TRAPPC9: variants seen among roughly 807,000 people sequenced by gnomAD.
The protein encoded by TRAPPC9 is IKK2 binding protein.
Under a neutral mutation model 124.0 loss-of-function variants are expected in TRAPPC9, and 83 were observed. The observed-to-expected ratio is 0.67, with a 90% CI of 0.56 to 0.80. TRAPPC9 has a LOEUF of 0.80. Ranked by LOEUF, TRAPPC9 falls within the 30% of genes least tolerant of loss-of-function variation. The pLI is 0.00. For synonymous variants in TRAPPC9, 638 were observed against 617.5 expected, an observed-to-expected ratio of 1.03 and a Z score of -0.49; for missense variants, 1,302 against 1,508.3, an observed-to-expected ratio of 0.86 and a Z score of 2.27.
At chr8:139,774,516 A>C (rs1349482705) in intron 21 of TRAPPC9, among the ~76,000 whole-genome samples, 1 of 152,130 alleles carries the variant, frequency 6.6e-6, no homozygotes, top group East Asian at 1.9e-4. Flanking sequence ...CACAAGCATC[A>C]CTGCCTGGAG....
In TRAPPC9 at chr8:140,206,982, C is replaced by T. The variant is rs184520157; in HGVS notation, c.2556+14477G>A. On this transcript the variant is annotated intron_variant, in intron 17 of 22. Coordinates refer to ENST00000438773, the MANE Select transcript of TRAPPC9 (RefSeq NM_001160372.4). Reference sequence around the variant, plus strand: ...TGAAAGGAAAGCACTTCTGCCTTCACGGAGCTTGAAGTCTAGTGGGGTGAC... The same window carrying T: ...TGAAAGGAAAGCACTTCTGCCTTCATGGAGCTTGAAGTCTAGTGGGGTGAC... Among the ~76,000 whole-genome samples the T allele has an allele frequency of 1.8e-4, 27 of 152,212 alleles. No individual in the cohort carries two copies. In the South Asian group the frequency reaches 2.3e-3, roughly 13 times the overall value.
intron 19 of TRAPPC9, among the ~76,000 whole-genome samples, chr8:139,925,820 C>T (rs546181117): frequency 3.0e-4 from 28 of 93,238 alleles, no homozygotes; most frequent in South Asian, 6.2e-4. Flanking sequence ...CACACGCACA[C>T]GCACACGCAC....
In TRAPPC9 at chr8:140,210,705, C is replaced by T. The variant is rs571851051; in HGVS notation, c.2556+10754G>A. On this transcript the variant is annotated intron_variant, in intron 17 of 22. Transcript: ENST00000438773. ...CTGTCCCCAAGGAAGGCCACAGTCC[C>T]AACTGCACACCTCTACGGCAAGAGC... 5.6e-4 allele frequency among the ~76,000 whole-genome samples: 86 copies of T among 152,310 alleles called. No homozygotes were observed. The South Asian group carries it at 0.017, about 30-fold the overall frequency.
Position 140,287,657 on chromosome 8 carries a change from T to C in TRAPPC9, c.1932A>G (p.Pro644=). The C allele has an allele frequency of 1.9e-6, 3 of 1,614,176 alleles. No homozygotes were observed. Among genetic ancestry groups the C allele is most frequent in the Non-Finnish European group, 2.5e-6 (3 of 1,180,030 alleles). The change falls in exon 13 of 23, where the codon CCA becomes CCG. Residue 644 remains proline, a synonymous_variant. Coordinates refer to ENST00000438773, the MANE Select transcript of TRAPPC9 (RefSeq NM_001160372.4). Reference sequence around the variant, plus strand: ...TCTGCGGGACCCCGACGAGCGTCACTGGGTACAGACCAGATTCAGCCGGAA... The same window carrying C: ...TCTGCGGGACCCCGACGAGCGTCACCGGGTACAGACCAGATTCAGCCGGAA... ...LSLPAESGLY[P]VTLVGVPQTT... is the part of the protein sequence containing the mutation.
At chr8:139,841,742 C>T (rs747802321) in intron 21 of TRAPPC9, among the ~76,000 whole-genome samples, 28 of 152,186 alleles carry the variant, frequency 1.8e-4, no homozygotes, top group Non-Finnish European at 3.7e-4. Context: ...CCATGCTGGG[C>T]CCTGCCCACT....
At chr8:139,740,874 T>C (rs1342230129) in intron 21 of TRAPPC9, among the ~76,000 whole-genome samples, 1 of 152,196 alleles carries the variant, frequency 6.6e-6, no homozygotes, top group East Asian at 1.9e-4. Flanking sequence ...CCTTCCAGTC[T>C]GGGCTCTGCC....
At chr8:140,062,983 AGGAAACTTACAATCG>A (rs764750448) in intron 17 of TRAPPC9, among the ~76,000 whole-genome samples, 2 of 45,328 alleles carry the variant, frequency 4.4e-5, no homozygotes, top group Non-Finnish European at 1.4e-4. Context: ...GGGAAGCCTC[AGGAAACTTACAATCG>A]TGGCAGAAGG....
At chr8:140,447,659 C>T (rs2071315604) in intron 2 of TRAPPC9, among the ~76,000 whole-genome samples, 3 of 152,110 alleles carry the variant, frequency 2.0e-5, no homozygotes, top group African/African-American at 4.8e-5. Flanking sequence ...AACTCCAGGT[C>T]CCGAAGGTAG....
chr8:139,732,220 C>T lies in TRAPPC9; in HGVS notation c.3056-18G>A. 1 of 1,556,718 alleles carries T rather than the reference C, an allele frequency of 6.4e-7. No individual in the cohort carries two copies. The highest frequency in any genetic ancestry group is 8.6e-7 in the Non-Finnish European group (1 of 1,157,692). ...CAGCACATCTGTAAGGGACACGAGA[C>T]TGTCGGGGGCTGGGCTGGCCTGCAC... On this transcript the variant is annotated intron_variant, in intron 21 of 22. Coordinates refer to ENST00000438773, the MANE Select transcript of TRAPPC9 (RefSeq NM_001160372.4).
At chr8:140,157,965 T>C (rs1563805507) in intron 17 of TRAPPC9, among the ~76,000 whole-genome samples, 1 of 152,242 alleles carries the variant, frequency 6.6e-6, no homozygotes, top group Admixed American at 6.5e-5. Flanking sequence ...TCTATGTTAA[T>C]AGTCTTTCTA....
At chr8:140,415,025 C>G (rs968624356) in intron 5 of TRAPPC9, among the ~76,000 whole-genome samples, 3 of 152,078 alleles carry the variant, frequency 2.0e-5, no homozygotes, top group African/African-American at 7.2e-5. Context: ...CAGGCATGAG[C>G]CACCACGCCT....
At chr8:140,002,175 T>C (rs1838447602) in intron 18 of TRAPPC9, among the ~76,000 whole-genome samples, 1 of 151,740 alleles carries the variant, frequency 6.6e-6, no homozygotes, top group African/African-American at 2.4e-5. Flanking sequence ...CTCAACAAAT[T>C]TTTTGATACC....
Position 140,435,121 on chromosome 8 carries a change from G to A in TRAPPC9, c.850C>T (p.His284Tyr). 1.9e-6 allele frequency: 3 copies of A among 1,614,252 alleles called. No individual in the cohort carries two copies. Among genetic ancestry groups the A allele is most frequent in the Non-Finnish European group, 2.5e-6 (3 of 1,180,046 alleles). ...AAAGGGCAGAGCTCACCTGGCCGGT[G>A]TCTATTGGCTGCTTCAGCAGGAAGG... ...STLPAEAANR[H>Y]RPGAQEVLID... The change falls in exon 4 of 23, where the codon CAC becomes TAC. Residue 284 changes from histidine to tyrosine, a missense_variant. Transcript: ENST00000438773.
At chr8:140,124,086 T>C (rs1388373073) in intron 17 of TRAPPC9, among the ~76,000 whole-genome samples, 1 of 152,262 alleles carries the variant, frequency 6.6e-6, no homozygotes, top group Non-Finnish European at 1.5e-5. Flanking sequence ...TTTAAACTTC[T>C]GCTCAGCAGT....
At chr8:140,458,531 G>A, upstream of TRAPPC9, 1 of 1,582,850 alleles carries the variant, frequency 6.3e-7, no homozygotes, top group Non-Finnish European at 8.6e-7. Context: ...TTCCCCCTGT[G>A]TGGCGCGCGG....
In TRAPPC9 at chr8:139,857,358, T is replaced by C. The variant is rs563965827; in HGVS notation, c.3055+28521A>G. Among the ~76,000 whole-genome samples the C allele has an allele frequency of 3.9e-5, 6 of 152,312 alleles. No individual in the cohort carries two copies. In the South Asian group the frequency reaches 1.2e-3, roughly 32 times the overall value. On this transcript the variant is annotated intron_variant, in intron 21 of 22. Transcript: ENST00000438773. ...GGAGGCAAGGCGAGGCATAGCAATA[T>C]TTCCAGTGTGCTCGCTGACAATCTG... is the stretch of plus-strand genomic sequence containing the variant.
chr8:140,210,923 T>C (rs7826954), intron 17 of TRAPPC9, among the ~76,000 whole-genome samples: 65,387 of 151,750 alleles, frequency 0.43, 15,725 homozygotes, highest in Middle Eastern at 0.56. Flanking sequence ...ATTCTGCTGC[T>C]CCCCAGGCCC....
intron 17 of TRAPPC9, among the ~76,000 whole-genome samples, chr8:140,105,485 A>C (rs1161183846): frequency 6.6e-6 from 1 of 152,092 alleles, no homozygotes; most frequent in Non-Finnish European, 1.5e-5. Context: ...AAATAACTAT[A>C]CTTCATAAAG....
intron 9 of TRAPPC9, among the ~76,000 whole-genome samples, chr8:140,323,064 C>T (rs756436031): frequency 2.0e-5 from 3 of 152,162 alleles, no homozygotes; most frequent in Non-Finnish European, 2.9e-5. Flanking sequence ...AGAGCCCCAC[C>T]ACGGGGGACG....
Sources: allele counts gnomAD v4.1 joint callset (sites outside exome capture counted in the v4.1 genomes callset), GRCh38; gene constraint gnomAD v4.1.1; transcripts MANE v1.5; gene names NCBI Gene and HGNC (gene_info 2026-07-23, HGNC 2026-07-21).